The following SORCS2 variants were observed in gnomAD, a reference collection of about 807,000 sequenced individuals.
The protein encoded by SORCS2 is sortilin related VPS10 domain containing receptor 2.
SORCS2 carries 100 observed loss-of-function variants against 141.6 expected under a neutral mutation model. The observed-to-expected ratio is 0.71, with a 90% CI of 0.60 to 0.83. The LOEUF (loss-of-function observed/expected upper bound fraction) is 0.83, where lower values mean the gene tolerates loss of function less well. Ranked by LOEUF, SORCS2 falls within the 40% of genes least tolerant of loss-of-function variation. SORCS2 has a pLI of 0.00. For synonymous variants in SORCS2, 789 were observed against 676.9 expected, an observed-to-expected ratio of 1.17 and a Z score of -2.57; for missense variants, 1,646 against 1,560.2, an observed-to-expected ratio of 1.05 and a Z score of -0.93.
At chr4:7,725,057 T>G in intron 19 of SORCS2, 97 bp from the exon 20 acceptor site, 3 of 1,327,922 alleles carry the variant, frequency 2.3e-6, no homozygotes, top group Admixed American at 3.9e-5. Context: ...GTGGTGATGA[T>G]AGCAATGAAG....
chr4:7,628,505 T>G, intron 3 of SORCS2, among the ~76,000 whole-genome samples: 1 of 136,006 alleles, frequency 7.4e-6, no homozygotes, highest in African/African-American at 2.7e-5. Context: ...GGCAAAAGAG[T>G]GAGACTCCGT....
chr4:7,688,825 C>G (rs1724034110), intron 10 of SORCS2, among the ~76,000 whole-genome samples: 1 of 152,204 alleles, frequency 6.6e-6, no homozygotes, highest in South Asian at 2.1e-4. Context: ...AGCCAGACCT[C>G]TGGGACCCAG....
intron 1 of SORCS2, among the ~76,000 whole-genome samples, chr4:7,316,149 T>C (rs147180705): frequency 6.7e-6 from 1 of 149,142 alleles, no homozygotes; most frequent in African/African-American, 2.6e-5. Flanking sequence ...ATCCATCCAT[T>C]CATCCATCCA....
Position 7,319,115 on chromosome 4 carries a change from GTT to G in SORCS2, c.481-77171_481-77170del, listed in dbSNP as rs368538609. 4.2e-3 allele frequency among the ~76,000 whole-genome samples: 643 copies of G among 152,224 alleles called. 5 individuals are homozygous for G. Among genetic ancestry groups the G allele is most frequent in the African/African-American group, 0.014 (591 of 41,524 alleles). ...TATTCCATTGTATGAATAAACCACA[GTT>G]TGTATTTTCATATTCAGCATTTAGG... On this transcript the variant is annotated intron_variant, in intron 1 of 26. Transcript: ENST00000507866.
At chr4:7,571,066 C>T (rs190891119) in intron 3 of SORCS2, among the ~76,000 whole-genome samples, 10 of 152,340 alleles carry the variant, frequency 6.6e-5, no homozygotes, top group African/African-American at 1.7e-4. Flanking sequence ...CCAGCTGGAG[C>T]GTCCTGGATT....
chr4:7,493,606 G>A (rs1185525485), intron 2 of SORCS2, among the ~76,000 whole-genome samples: 2 of 152,238 alleles, frequency 1.3e-5, no homozygotes, highest in East Asian at 1.9e-4. Context: ...GATAACCTCC[G>A]ATTACCGGCT....
chr4:7,516,289 C>T (rs774002501), intron 2 of SORCS2, among the ~76,000 whole-genome samples: 25 of 152,190 alleles, frequency 1.6e-4, no homozygotes, highest in Admixed American at 5.9e-4. Flanking sequence ...CCCAGCTGGG[C>T]GTGGGGAGGG....
intron 17 of SORCS2, 75 bp downstream of exon 17, chr4:7,715,386 C>A: frequency 6.3e-7 from 1 of 1,575,632 alleles, no homozygotes; most frequent in Non-Finnish European, 8.6e-7. Context: ...ACCACGCCTT[C>A]CTGGCTGGTG....
chr4:7,666,413 C>T (rs1377993190), intron 7 of SORCS2, among the ~76,000 whole-genome samples: 1 of 152,206 alleles, frequency 6.6e-6, no homozygotes, highest in Non-Finnish European at 1.5e-5. Flanking sequence ...CAGAGGAAAG[C>T]TCTCCCTACC....
In SORCS2 at chr4:7,648,322, CAAG is replaced by C. The variant is rs1223113238; in HGVS notation, c.814-5811_814-5809del. Among the ~76,000 whole-genome samples, 2 of 151,946 alleles carry C rather than the reference CAAG, an allele frequency of 1.3e-5. No individual in the cohort carries two copies. The highest frequency in any genetic ancestry group is 2.9e-5 in the Non-Finnish European group (2 of 67,968). ...GAGGAAGTGACCGTGGAGAGGGTGT[CAAG>C]GAGTCAGGGGTCATCAGGGCAGAAA... On this transcript the variant is annotated intron_variant, in intron 4 of 26. Transcript: ENST00000507866. The surrounding 1 kb of genome is among the most constrained non-coding windows in gnomAD (Gnocchi z 4.2).
chr4:7,674,573 CAAAATAAAAAAAA>C (rs1722991131), intron 8 of SORCS2, among the ~76,000 whole-genome samples: 2 of 56,402 alleles, frequency 3.5e-5, no homozygotes, highest in African/African-American at 1.7e-4. Context: ...GACTCTGTCT[CAAAATAAAAAAAA>C]AAAAAAAAAA....
At chr4:7,199,354 AC>A (rs1184109913) in intron 1 of SORCS2, among the ~76,000 whole-genome samples, 1 of 152,044 alleles carries the variant, frequency 6.6e-6, no homozygotes, top group East Asian at 1.9e-4. Flanking sequence ...AGCTCAGTTC[AC>A]CTGGGGAGGG....
intron 1 of SORCS2, among the ~76,000 whole-genome samples, chr4:7,332,762 G>A (rs1160067000): frequency 6.6e-6 from 1 of 152,210 alleles, no homozygotes; most frequent in Non-Finnish European, 1.5e-5. Context: ...CGCTGCCTGT[G>A]GATGACATGA....
Position 7,725,364 on chromosome 4 carries a change from C to T in SORCS2, c.2745+77C>T, listed in dbSNP as rs143226747. 846 of 1,517,896 alleles carry T rather than the reference C, an allele frequency of 5.6e-4. 2 individuals are homozygous for T. The African/African-American group carries it at 6.6e-3, about 12-fold the overall frequency. The allele number at this position is 1,517,896 out of a possible 1,614,324, so 94.0% of individuals were successfully genotyped here. On this transcript the variant is annotated intron_variant, in intron 20 of 26. Transcript: ENST00000507866. Reference sequence around the variant, plus strand: ...GCTGCACAGTGGGGCAGAGCATGGCCCCAGGTTTTCAGCAGAAGGAACCAG... The same window carrying T: ...GCTGCACAGTGGGGCAGAGCATGGCTCCAGGTTTTCAGCAGAAGGAACCAG...
intron 1 of SORCS2, among the ~76,000 whole-genome samples, chr4:7,308,498 C>T (rs1356274803): frequency 1.3e-5 from 2 of 152,172 alleles, no homozygotes; most frequent in Admixed American, 1.3e-4. Flanking sequence ...AACCCATCCC[C>T]TTCCTGGGTT....
chr4:7,613,593 C>T (rs920741698), intron 3 of SORCS2, among the ~76,000 whole-genome samples: 2 of 152,182 alleles, frequency 1.3e-5, no homozygotes, highest in African/African-American at 4.8e-5. Flanking sequence ...AGCACATGCA[C>T]CTCACATGGC....
intron 8 of SORCS2, among the ~76,000 whole-genome samples, chr4:7,671,495 A>G (rs1382540371): frequency 6.6e-6 from 1 of 152,168 alleles, no homozygotes. Context: ...ACAAAATGGA[A>G]ATAGCAATAA....
rs545871834 is a variant in SORCS2, at chr4:7,394,605, T to G, written c.481-1683T>G. Among the ~76,000 whole-genome samples, 4 of 151,284 alleles carry G rather than the reference T, an allele frequency of 2.6e-5. No homozygotes were observed. The South Asian group carries it at 8.4e-4, about 32-fold the overall frequency. The stretch of plus-strand genomic sequence containing the variant: ...TGGGGTTTAGAATGAGGGGGTGGAC[T>G]GGTGGGGACTCTCCCCTCGAGGGAG... On this transcript the variant is annotated intron_variant, in intron 1 of 26. Transcript: ENST00000507866.
At chr4:7,428,119 C>T (rs893180187) in intron 2 of SORCS2, among the ~76,000 whole-genome samples, 1 of 152,116 alleles carries the variant, frequency 6.6e-6, no homozygotes, top group Non-Finnish European at 1.5e-5. Flanking sequence ...CGTGGCTTCA[C>T]CTGGACCATG....
Sources: allele counts gnomAD v4.1 joint callset (sites outside exome capture counted in the v4.1 genomes callset), GRCh38; gene constraint gnomAD v4.1.1; non-coding constraint Gnocchi (gnomAD v3.1); transcripts MANE v1.5; gene names NCBI Gene and HGNC (gene_info 2026-07-23, HGNC 2026-07-21).